KLRG1: variants seen among roughly 807,000 people sequenced by gnomAD.
KLRG1 encodes killer cell lectin-like receptor subfamily G member 1.
A neutral mutation model predicts 21.8 loss-of-function variants in KLRG1; 16 were observed. That is an observed-to-expected ratio of 0.73 (90% CI 0.50 to 1.11). The LOEUF (loss-of-function observed/expected upper bound fraction) is 1.11, where lower values mean the gene tolerates loss of function less well. Ranked by LOEUF, KLRG1 falls within the 50% of genes most tolerant of loss-of-function variation. The pLI is 0.00. For missense variants in KLRG1, 173 were observed against 218.3 expected, an observed-to-expected ratio of 0.79 and a Z score of 1.31; for synonymous variants, 69 against 75.9, an observed-to-expected ratio of 0.91 and a Z score of 0.47.
At chr12:9,181,998 T>C in the KLRG1 span, 1 of 1,613,826 alleles carries the variant, frequency 6.2e-7, no homozygotes, top group Non-Finnish European at 8.5e-7. Flanking sequence ...CAGTTTTCAA[T>C]CTCAAATTTT....
At chr12:8,990,780 C>T (rs1347542764) in intron 1 of KLRG1, among the ~76,000 whole-genome samples, 1 of 152,068 alleles carries the variant, frequency 6.6e-6, no homozygotes, top group African/African-American at 2.4e-5. Context: ...ATTTACTTTA[C>T]TTCTTGAATT....
At chr12:9,068,106 C>A in the KLRG1 span, 2 of 1,479,638 alleles carry the variant, frequency 1.4e-6, no homozygotes, top group East Asian at 4.5e-5. Flanking sequence ...ATTTACCCAG[C>A]GTTTTATGAA....
the KLRG1 span, among the ~76,000 whole-genome samples, chr12:9,094,484 A>G: frequency 6.6e-6 from 1 of 151,464 alleles, no homozygotes; most frequent in Admixed American, 6.6e-5. Context: ...CATAGAGCCA[A>G]CTGATTCTCC....
chr12:9,106,008 G>A, the KLRG1 span, among the ~76,000 whole-genome samples: 1 of 152,052 alleles, frequency 6.6e-6, no homozygotes, highest in Non-Finnish European at 1.5e-5. Flanking sequence ...ATTTTAATAA[G>A]GCCTTAGGAT....
the KLRG1 span, among the ~76,000 whole-genome samples, chr12:9,195,619 TTTTTTTTTTTTTTTTGCAGAGG>T: frequency 1.4e-5 from 2 of 145,066 alleles, no homozygotes; most frequent in African/African-American, 5.1e-5. Context: ...TAATTTTTTT[TTTTTTTTTTTTTTTTGCAGAGG>T]TAGAGTCTTA....
the KLRG1 span, among the ~76,000 whole-genome samples, chr12:9,104,591 AT>A: frequency 6.6e-5 from 10 of 152,214 alleles, no homozygotes; most frequent in Non-Finnish European, 1.3e-4. Flanking sequence ...TAGATGCTAA[AT>A]AAATATATAC....
the KLRG1 span, chr12:9,115,779 G>C: frequency 1.1e-5 from 17 of 1,613,082 alleles, no homozygotes; most frequent in Non-Finnish European, 1.1e-5. Flanking sequence ...TCCAGAGACT[G>C]AGGCGTCTGT....
chr12:9,049,654 AT>A, the KLRG1 span, among the ~76,000 whole-genome samples: 1 of 151,910 alleles, frequency 6.6e-6, no homozygotes, highest in Admixed American at 6.5e-5. Flanking sequence ...GCCTAAGTTT[AT>A]TTTTATTTTT....
chr12:9,009,483 A>G lies in KLRG1; in HGVS notation c.516A>G (p.Gln172=), dbSNP rs1471863636. The part of the protein sequence containing the change: ...TCGAINKNGL[Q]ASSCEVPLHW... ...GTGCCATCAACAAAAATGGTCTTCAAGCCTCAAGCTGTGAAGTTCCTTTAC... is the reference window on the plus strand; with the variant it reads ...GTGCCATCAACAAAAATGGTCTTCAGGCCTCAAGCTGTGAAGTTCCTTTAC... The change falls in exon 5 of 5, where the codon CAA becomes CAG. Residue 172 remains glutamine (Q), a synonymous_variant. Coordinates refer to ENST00000356986, the MANE Select transcript of KLRG1 (RefSeq NM_005810.4). 3.7e-6 allele frequency: 6 copies of G among 1,613,882 alleles called. No individual in the cohort carries two copies. The African/African-American group carries it at 5.3e-5, about 14-fold the overall frequency.
downstream of KLRG1, among the ~76,000 whole-genome samples, chr12:9,014,869 T>G (rs1947678430): frequency 6.6e-6 from 1 of 151,886 alleles, no homozygotes; most frequent in African/African-American, 2.4e-5. Flanking sequence ...TGGCATGAAG[T>G]TAAAGTGTAG....
chr12:9,202,971 ACATCTCT>A, the KLRG1 span, among the ~76,000 whole-genome samples: 1 of 152,210 alleles, frequency 6.6e-6, no homozygotes, highest in Non-Finnish European at 1.5e-5. Flanking sequence ...ATGGAGAGAA[ACATCTCT>A]GAAAAAATAT....
At chr12:8,988,508 C>G (rs1946882740), upstream of KLRG1, 1 of 152,088 alleles carries the variant, frequency 6.6e-6, no homozygotes, top group Non-Finnish European at 1.5e-5. Flanking sequence ...CTTCTTTTAT[C>G]CTTATGCAGT....
the KLRG1 span, chr12:9,074,781 T>G: frequency 6.2e-7 from 1 of 1,609,826 alleles, no homozygotes; most frequent in Non-Finnish European, 8.5e-7. Context: ...TGGACAGAGT[T>G]GTCTTAAAGA....
the KLRG1 span, among the ~76,000 whole-genome samples, chr12:9,020,804 A>G: frequency 6.6e-6 from 1 of 152,284 alleles, no homozygotes; most frequent in East Asian, 1.9e-4. Context: ...GCTGGATCAT[A>G]TGGTAGATGT....
chr12:8,966,553 G>A (rs962641743), intron 1 of KLRG1, among the ~76,000 whole-genome samples: 2 of 151,996 alleles, frequency 1.3e-5, no homozygotes, highest in Non-Finnish European at 2.9e-5. Context: ...TCAAAAGAAG[G>A]CATTTATGCA....
At chr12:9,176,748 C>G in the KLRG1 span, among the ~76,000 whole-genome samples, 1 of 152,158 alleles carries the variant, frequency 6.6e-6, no homozygotes, top group Non-Finnish European at 1.5e-5. Flanking sequence ...CTCCTGAGTG[C>G]CTCTTGTTTC....
the KLRG1 span, chr12:9,077,572 T>A: frequency 1.3e-6 from 2 of 1,495,946 alleles, no homozygotes; most frequent in Non-Finnish European, 1.8e-6. Context: ...TATCCCCTCT[T>A]TTTTGGTGCC....
the KLRG1 span, chr12:9,201,270 A>G: frequency 2.1e-6 from 3 of 1,428,658 alleles, no homozygotes; most frequent in Non-Finnish European, 2.9e-6. Flanking sequence ...TATTATCAGA[A>G]CCTCCTACTC....
chr12:9,037,689 G>A, the KLRG1 span, among the ~76,000 whole-genome samples: 2 of 152,136 alleles, frequency 1.3e-5, no homozygotes, highest in East Asian at 1.9e-4. Context: ...CCCTATCGAG[G>A]TGTACCATTT....
Sources: gnomAD v4.1 joint callset for allele counts (sites outside exome capture counted in the v4.1 genomes callset) on GRCh38, gnomAD v4.1.1 for gene constraint, MANE v1.5 for transcripts, NCBI Gene and HGNC (gene_info 2026-07-23, HGNC 2026-07-21) for gene names.